The following BAZ2B variants were observed in gnomAD, a reference collection of about 807,000 sequenced individuals.
BAZ2B encodes the protein bromodomain adjacent to zinc finger domain protein 2B.
Under a neutral mutation model 246.0 loss-of-function variants are expected in BAZ2B, and 91 were observed. The ratio of observed to expected loss-of-function variants is 0.37; its 90% confidence interval spans 0.31 to 0.44. The LOEUF is 0.44. Among genes scored for constraint, BAZ2B ranks in the 20% least tolerant of loss-of-function variants. The probability of loss-of-function intolerance (pLI) is 1.00; values close to 1 mark genes in which losing one functional copy is unlikely to be tolerated. For missense variants in BAZ2B, 2,332 were observed against 2,533.7 expected (o/e 0.92, Z 1.71); for synonymous variants, 855 against 860.0 (o/e 0.99, Z 0.10).
In BAZ2B at chr2:159,331,280, T is replaced by C. The variant is rs373614140; in HGVS notation, c.5943+1260A>G. On this transcript the variant is annotated intron_variant, in intron 34 of 36. Transcript: ENST00000392783. ...CTTCCGATGACTTCCATTTTCTCAG[T>C]TGAATGACAATAAGTTGAGAATGAA... Among the ~76,000 whole-genome samples, 5 of 152,332 alleles carry C rather than the reference T, an allele frequency of 3.3e-5. No homozygotes were observed. In the South Asian group the frequency reaches 8.3e-4, roughly 25 times the overall value.
chr2:159,456,983 TA>T (rs1245990325), intron 3 of BAZ2B, among the ~76,000 whole-genome samples: 2 of 152,224 alleles, frequency 1.3e-5, no homozygotes, highest in African/African-American at 2.4e-5. Flanking sequence ...AACTCAGTGA[TA>T]TTTTTAAAAA....
chr2:159,442,590 T>G (rs2073618252), intron 6 of BAZ2B, among the ~76,000 whole-genome samples: 1 of 152,184 alleles, frequency 6.6e-6, no homozygotes, highest in South Asian at 2.1e-4. Flanking sequence ...ATTCATAATG[T>G]TGTGCAAACA....
the BAZ2B span, among the ~76,000 whole-genome samples, chr2:159,626,217 C>T: frequency 6.6e-6 from 1 of 152,078 alleles, no homozygotes; most frequent in African/African-American, 2.4e-5. Context: ...TAGACTCCCA[C>T]ATAATAATAG....
intron 2 of BAZ2B, among the ~76,000 whole-genome samples, chr2:159,496,573 G>C (rs1348557703): frequency 6.8e-6 from 1 of 145,986 alleles, no homozygotes; most frequent in Non-Finnish European, 1.5e-5. Flanking sequence ...ACCTGAGGTC[G>C]GGAGTTCGAG....
chr2:159,466,012 A>G (rs1461961181), intron 3 of BAZ2B, among the ~76,000 whole-genome samples: 1 of 152,230 alleles, frequency 6.6e-6, no homozygotes, highest in Non-Finnish European at 1.5e-5. Flanking sequence ...AATAGTTCAG[A>G]GTATAACATA....
chr2:159,628,765 G>C, the BAZ2B span, among the ~76,000 whole-genome samples: 1 of 152,208 alleles, frequency 6.6e-6, no homozygotes, highest in Non-Finnish European at 1.5e-5. Context: ...CAAGGGCTAA[G>C]ACTTCATGAG....
At chr2:159,415,815 G>A (rs948932673) in intron 13 of BAZ2B, among the ~76,000 whole-genome samples, 2 of 152,300 alleles carry the variant, frequency 1.3e-5, no homozygotes, top group Non-Finnish European at 2.9e-5. Context: ...TAAATTGTAC[G>A]TGATTATGGA....
At chr2:159,515,419 T>C (rs572493964) in intron 2 of BAZ2B, among the ~76,000 whole-genome samples, 8 of 152,256 alleles carry the variant, frequency 5.3e-5, no homozygotes, top group South Asian at 2.1e-4. Context: ...ATATTAAAGA[T>C]TGAGCAAAAC....
intron 19 of BAZ2B, 77 bp from the exon 20 acceptor site, chr2:159,395,911 AAAAAC>A (rs2063953206): frequency 3.7e-6 from 5 of 1,349,062 alleles, no homozygotes; most frequent in Admixed American, 4.5e-5. Context: ...AAACAAAAAC[AAAAAC>A]AAAACAAAAA....
At chr2:159,356,614 A>C (rs1210720288) in intron 27 of BAZ2B, among the ~76,000 whole-genome samples, 1 of 152,186 alleles carries the variant, frequency 6.6e-6, no homozygotes, top group Non-Finnish European at 1.5e-5. Context: ...CCAGCACAGT[A>C]GTCAAGCTCT....
chr2:159,333,969 A>C (rs1199572501), intron 33 of BAZ2B, among the ~76,000 whole-genome samples: 1 of 152,118 alleles, frequency 6.6e-6, no homozygotes, highest in Non-Finnish European at 1.5e-5. Flanking sequence ...CATCACCATC[A>C]CTGAATACCT....
At chr2:159,429,980 T>C (rs13034428) in intron 10 of BAZ2B, among the ~76,000 whole-genome samples, 1 of 151,832 alleles carries the variant, frequency 6.6e-6, no homozygotes, top group African/African-American at 2.4e-5. Flanking sequence ...ATTAAGTGTA[T>C]AAATGTTTAA....
the BAZ2B span, among the ~76,000 whole-genome samples, chr2:159,634,528 T>C: frequency 6.6e-6 from 1 of 152,232 alleles, no homozygotes; most frequent in Non-Finnish European, 1.5e-5. Flanking sequence ...GATATTATAC[T>C]GTCCAAAAGT....
At chr2:159,678,611 G>A in the BAZ2B span, among the ~76,000 whole-genome samples, 2 of 152,028 alleles carry the variant, frequency 1.3e-5, no homozygotes, top group African/African-American at 4.8e-5. Flanking sequence ...GGACAGCCGG[G>A]GTAGTGAGAC....
chr2:159,545,064 G>A (rs1315904426), intron 2 of BAZ2B, among the ~76,000 whole-genome samples: 1 of 152,156 alleles, frequency 6.6e-6, no homozygotes, highest in East Asian at 1.9e-4. Context: ...TTATTCGAGA[G>A]GATTTTAATT....
At chr2:159,477,499 T>G (rs2078738424) in intron 3 of BAZ2B, among the ~76,000 whole-genome samples, 1 of 151,856 alleles carries the variant, frequency 6.6e-6, no homozygotes, top group Non-Finnish European at 1.5e-5. Flanking sequence ...CAAAAATAAA[T>G]GAAAACATTT....
chr2:159,634,969 G>A, the BAZ2B span, among the ~76,000 whole-genome samples: 4 of 152,176 alleles, frequency 2.6e-5, no homozygotes, highest in African/African-American at 9.7e-5. Context: ...AAGTCACATG[G>A]CTACAAGGTG....
At chr2:159,683,978 A>AC in the BAZ2B span, among the ~76,000 whole-genome samples, 1 of 152,162 alleles carries the variant, frequency 6.6e-6, no homozygotes, top group Admixed American at 6.5e-5. Flanking sequence ...ACAGTAGGCA[A>AC]CCCCTCTGTC....
chr2:159,529,525 C>T (rs1165986319), intron 2 of BAZ2B, among the ~76,000 whole-genome samples: 3 of 152,170 alleles, frequency 2.0e-5, no homozygotes, highest in East Asian at 1.9e-4. Context: ...AACTCCCTCA[C>T]TTCCTTAAGA....
Sources: allele counts gnomAD v4.1 joint callset (sites outside exome capture counted in the v4.1 genomes callset), GRCh38; gene constraint gnomAD v4.1.1; transcripts MANE v1.5; gene names NCBI Gene and HGNC (gene_info 2026-07-23, HGNC 2026-07-21).